GLDN: variants seen among roughly 807,000 people sequenced by gnomAD.
The protein encoded by GLDN is gliomedin, also known as collomin.
Under a neutral mutation model 56.5 loss-of-function variants are expected in GLDN, and 47 were observed. That is an observed-to-expected ratio of 0.83 (90% CI 0.66 to 1.06). The LOEUF (loss-of-function observed/expected upper bound fraction) is 1.06, where lower values mean the gene tolerates loss of function less well. GLDN is among the 50% of genes least tolerant of loss of function. GLDN has a pLI of 0.00. For synonymous variants in GLDN, 332 were observed against 278.8 expected (o/e 1.19, Z -1.90); for missense variants, 782 against 714.3 (o/e 1.09, Z -1.08).
intron 2 of GLDN, among the ~76,000 whole-genome samples, chr15:51,382,784 C>G (rs1403250735): frequency 6.6e-6 from 1 of 151,512 alleles, no homozygotes; most frequent in Non-Finnish European, 1.5e-5. Context: ...CATGTTACAA[C>G]CTCATTAGCT....
rs140790401 is a variant in GLDN at position 51,400,001 on chromosome 15, G to T, written c.818-191G>T. Reference sequence around the variant, plus strand: ...AGCTTCCTGGGAACTCAACAAGCAGGGCGAAGAATTTGGAAGGCTATGATT... The same window carrying T: ...AGCTTCCTGGGAACTCAACAAGCAGTGCGAAGAATTTGGAAGGCTATGATT... On this transcript the variant is annotated intron_variant, in intron 6 of 9. Transcript: ENST00000335449. 3.9e-5 allele frequency among the ~76,000 whole-genome samples: 6 copies of T among 152,282 alleles called. No individual in the cohort carries two copies. The East Asian group carries it at 1.2e-3, about 29-fold the overall frequency.
At chr15:51,382,236 T>C (rs1043783511) in intron 2 of GLDN, among the ~76,000 whole-genome samples, 2 of 152,146 alleles carry the variant, frequency 1.3e-5, no homozygotes, top group Non-Finnish European at 2.9e-5. Flanking sequence ...ACTTCCCCAG[T>C]ACCCCTTGTC....
chr15:51,392,901 T>C lies in GLDN; in HGVS notation c.542-1934T>C, dbSNP rs1360067780. On this transcript the variant is annotated intron_variant, in intron 4 of 9. Coordinates refer to ENST00000335449, the MANE Select transcript of GLDN (RefSeq NM_181789.4). Reference sequence around the variant, plus strand: ...AACGGTCTTCATCCTTTCCAATCTGTATGCCTTTTAGTTATTTTTCCTTGC... The same window carrying C: ...AACGGTCTTCATCCTTTCCAATCTGCATGCCTTTTAGTTATTTTTCCTTGC... 2.6e-5 allele frequency among the ~76,000 whole-genome samples: 4 copies of C among 152,206 alleles called. No homozygotes were observed. The East Asian group carries it at 7.7e-4, about 29-fold the overall frequency.
intron 2 of GLDN, among the ~76,000 whole-genome samples, chr15:51,381,198 AC>A: frequency 6.6e-6 from 1 of 152,322 alleles, no homozygotes; most frequent in South Asian, 2.1e-4. Flanking sequence ...GGGAGCTCTC[AC>A]CAACAGTACT....
downstream of GLDN, among the ~76,000 whole-genome samples, chr15:51,412,678 G>C (rs563015582): frequency 1.8e-3 from 274 of 152,204 alleles, 1 homozygote; most frequent in African/African-American, 6.4e-3. Flanking sequence ...ATATAGTTAA[G>C]CTTTGTGTTT....
intron 4 of GLDN, among the ~76,000 whole-genome samples, chr15:51,387,051 A>C (rs2037912376): frequency 6.6e-6 from 1 of 152,110 alleles, no homozygotes; most frequent in South Asian, 2.1e-4. Context: ...GCACCTGGGC[A>C]TGTGGGCAGG....
At chr15:51,387,779 C>A (rs2037931286) in intron 4 of GLDN, among the ~76,000 whole-genome samples, 1 of 152,052 alleles carries the variant, frequency 6.6e-6, no homozygotes, top group Non-Finnish European at 1.5e-5. Context: ...AGTTAGGGAC[C>A]CATTTAGGGT....
chr15:51,353,684 G>A (rs1396458568), intron 1 of GLDN, among the ~76,000 whole-genome samples: 1 of 140,454 alleles, frequency 7.1e-6, no homozygotes, highest in Non-Finnish European at 1.5e-5. Context: ...TGCCAATGTG[G>A]GAACTATCAG....
chr15:51,390,094 T>A (rs1300392199), intron 4 of GLDN, among the ~76,000 whole-genome samples: 1 of 152,246 alleles, frequency 6.6e-6, no homozygotes, highest in Non-Finnish European at 1.5e-5. Context: ...TTCCGCTTAC[T>A]AGCTGTATGC....
intron 1 of GLDN, among the ~76,000 whole-genome samples, chr15:51,363,730 AAATCTTG>A (rs1177268919): frequency 6.6e-6 from 1 of 152,258 alleles, no homozygotes; most frequent in Non-Finnish European, 1.5e-5. Context: ...CATACCAGTC[AAATCTTG>A]AAGGATGGGA....
chr15:51,355,388 G>A (rs1011615639), intron 1 of GLDN, among the ~76,000 whole-genome samples: 1 of 152,164 alleles, frequency 6.6e-6, no homozygotes, highest in Admixed American at 6.5e-5. Flanking sequence ...CATGGTGCTG[G>A]TGGGAGTGTC....
At chr15:51,395,864 G>T (rs2038115989) in intron 5 of GLDN, among the ~76,000 whole-genome samples, 1 of 152,152 alleles carries the variant, frequency 6.6e-6, no homozygotes, top group African/African-American at 2.4e-5. Context: ...TGTAATCATG[G>T]CAGAAGGTGA....
At chr15:51,366,214 C>T (rs958260724) in intron 1 of GLDN, among the ~76,000 whole-genome samples, 2 of 152,192 alleles carry the variant, frequency 1.3e-5, no homozygotes, top group African/African-American at 4.8e-5. Context: ...AGAACACGGT[C>T]GGAGGCCACC....
chr15:51,366,240 G>C (rs1297873067), intron 1 of GLDN, among the ~76,000 whole-genome samples: 1 of 152,220 alleles, frequency 6.6e-6, no homozygotes, highest in Non-Finnish European at 1.5e-5. Flanking sequence ...GAGTGGCTCA[G>C]GATTTCTGGT....
intron 1 of GLDN, among the ~76,000 whole-genome samples, chr15:51,359,237 C>T (rs1032065149): frequency 7.2e-5 from 11 of 152,158 alleles, no homozygotes; most frequent in African/African-American, 2.2e-4. Context: ...CAGATCAAAC[C>T]GGACCTAGGA....
intron 1 of GLDN, 174 bp from the exon 2 acceptor site, chr15:51,377,275 G>A (rs539620834): frequency 4.6e-5 from 27 of 582,386 alleles, no homozygotes; most frequent in Non-Finnish European, 7.0e-5. Context: ...TGTATGATTC[G>A]TTGTTGACTG....
At chr15:51,377,588 T>C in intron 2 of GLDN, 88 bp downstream of exon 2, 1 of 917,014 alleles carries the variant, frequency 1.1e-6, no homozygotes, top group East Asian at 2.5e-5. Flanking sequence ...AGGGACACTT[T>C]GTTATAAAAA....
At chr15:51,401,188 A>G (rs1166775351) in intron 8 of GLDN, among the ~76,000 whole-genome samples, 2 of 152,234 alleles carry the variant, frequency 1.3e-5, no homozygotes, top group African/African-American at 4.8e-5. Context: ...AAAAGAAAGT[A>G]ATATTGTTCA....
intron 1 of GLDN, among the ~76,000 whole-genome samples, chr15:51,353,481 AG>A (rs555289212): frequency 1.6e-3 from 248 of 152,322 alleles, no homozygotes; most frequent in Middle Eastern, 3.4e-3. Context: ...ACTGAAAGGC[AG>A]TCATCTTCAC....
Sources: allele counts gnomAD v4.1 joint callset (sites outside exome capture counted in the v4.1 genomes callset), GRCh38; gene constraint gnomAD v4.1.1; transcripts MANE v1.5; gene names NCBI Gene and HGNC (gene_info 2026-07-23, HGNC 2026-07-21).